The following AGBL1 variants were observed in gnomAD, a reference collection of about 807,000 sequenced individuals.
AGBL1 encodes AGBL carboxypeptidase 1, also known as cytosolic carboxypeptidase 4.
A neutral mutation model predicts 118.9 loss-of-function variants in AGBL1; 130 were observed. The ratio of observed to expected loss-of-function variants is 1.09; its 90% CI spans 0.95 to 1.26. The LOEUF is 1.26. Ranked by LOEUF, AGBL1 falls within the 50% of genes most tolerant of loss-of-function variation. AGBL1 has a pLI of 0.00. For missense variants in AGBL1, 1,584 were observed against 1,298.1 expected, an observed-to-expected ratio of 1.22 and a Z score of -3.38; for synonymous variants, 555 against 478.9, an observed-to-expected ratio of 1.16 and a Z score of -2.08.
intron 17 of AGBL1, among the ~76,000 whole-genome samples, chr15:86,314,302 G>T (rs1464597143): frequency 6.6e-6 from 1 of 152,122 alleles, no homozygotes; most frequent in African/African-American, 2.4e-5. Context: ...TACTTCATTT[G>T]CCTAGTTCTG....
chr15:87,015,357 TGTCTGTCTATCTATCTATCTATCTA>T (rs1016990369), intron 24 of AGBL1, among the ~76,000 whole-genome samples: 20 of 152,148 alleles, frequency 1.3e-4, no homozygotes, highest in African/African-American at 4.3e-4. Context: ...TCTGCCTGTC[TGTCTGTCTATCTATCTATCTATCTA>T]GTCTGTCTAT....
intron 21 of AGBL1, among the ~76,000 whole-genome samples, chr15:86,640,308 G>C (rs990018624): frequency 6.6e-6 from 1 of 152,102 alleles, no homozygotes; most frequent in Admixed American, 6.6e-5. Flanking sequence ...TATGGCATGA[G>C]TGTTTCTAAA....
chr15:86,289,965 C>T (rs965285522), intron 16 of AGBL1, among the ~76,000 whole-genome samples: 3 of 152,186 alleles, frequency 2.0e-5, no homozygotes, highest in Admixed American at 6.5e-5. Flanking sequence ...TTTAGAGACC[C>T]ATTGTTCTAG....
At chr15:86,214,499 T>G (rs1449433767) in intron 5 of AGBL1, among the ~76,000 whole-genome samples, 1 of 152,374 alleles carries the variant, frequency 6.6e-6, no homozygotes, top group South Asian at 2.1e-4. Flanking sequence ...TAATGGACTT[T>G]TGAATTGTTT....
chr15:86,339,534 G>C (rs1235110138), intron 17 of AGBL1, among the ~76,000 whole-genome samples: 2 of 152,060 alleles, frequency 1.3e-5, no homozygotes, highest in African/African-American at 4.8e-5. Context: ...TTTTATTTCA[G>C]TGAATTTTTT....
At chr15:86,512,905 TA>T (rs1483725972) in intron 18 of AGBL1, among the ~76,000 whole-genome samples, 2 of 151,850 alleles carry the variant, frequency 1.3e-5, no homozygotes, top group African/African-American at 4.8e-5. Flanking sequence ...TTCCAGTTAT[TA>T]TTTTTTTTAA....
intron 24 of AGBL1, among the ~76,000 whole-genome samples, chr15:86,999,475 G>C (rs1431160255): frequency 2.0e-5 from 3 of 146,596 alleles, no homozygotes; most frequent in Non-Finnish European, 4.4e-5. Context: ...TGCGGTGTTT[G>C]GTTTTTTGTT....
intron 1 of AGBL1, among the ~76,000 whole-genome samples, chr15:86,137,072 T>A (rs2076899192): frequency 6.6e-6 from 1 of 152,258 alleles, no homozygotes; most frequent in African/African-American, 2.4e-5. Context: ...GTGGGTGAGA[T>A]AACAGCTTTG....
chr15:86,107,435 A>C (rs1343253791), intron 1 of AGBL1: 1 of 152,224 alleles, frequency 6.6e-6, no homozygotes, highest in Non-Finnish European at 1.5e-5. Context: ...CTATAAAATG[A>C]GGAAAATGAT....
At chr15:86,820,703 A>G (rs1344458091) in intron 22 of AGBL1, among the ~76,000 whole-genome samples, 1 of 152,206 alleles carries the variant, frequency 6.6e-6, no homozygotes, top group Non-Finnish European at 1.5e-5. Context: ...GAGGATGTGG[A>G]GAAATAGGAA....
intron 21 of AGBL1, among the ~76,000 whole-genome samples, chr15:86,649,440 G>C (rs916117950): frequency 1.6e-4 from 24 of 152,120 alleles, no homozygotes; most frequent in African/African-American, 5.6e-4. Context: ...GTGATGACTT[G>C]GTAGTACTGA....
At chr15:86,619,422 G>C (rs1012558706) in intron 21 of AGBL1, among the ~76,000 whole-genome samples, 1 of 152,138 alleles carries the variant, frequency 6.6e-6, no homozygotes, top group Admixed American at 6.5e-5. Context: ...AAAATGAAAA[G>C]TTCAGTGGGA....
At chr15:86,775,416 G>C (rs114181410) in intron 22 of AGBL1, among the ~76,000 whole-genome samples, 1 of 152,086 alleles carries the variant, frequency 6.6e-6, no homozygotes, top group East Asian at 1.9e-4. Context: ...GGATTAGTTC[G>C]CTCCATGAAG....
At chr15:86,349,819 T>A (rs966039178) in intron 17 of AGBL1, among the ~76,000 whole-genome samples, 2 of 152,196 alleles carry the variant, frequency 1.3e-5, no homozygotes, top group Non-Finnish European at 2.9e-5. Flanking sequence ...AAGCATGGCC[T>A]ATTGGAAAGA....
chr15:87,015,209 C>T (rs1470788407), intron 24 of AGBL1, among the ~76,000 whole-genome samples: 1 of 152,148 alleles, frequency 6.6e-6, no homozygotes, highest in Non-Finnish European at 1.5e-5. Flanking sequence ...GAGAATTACA[C>T]CACCAGCTTC....
chr15:86,913,593 G>A lies in AGBL1; in HGVS notation c.*6299G>A, dbSNP rs1429549648. On this transcript the variant is annotated 3_prime_UTR_variant, in exon 23 of 23. Transcript: ENST00000614907. ...ACAAGGCTGAAGCAGGCAAGGCGTGGTGGCTCACAACTGTAATCCCAGAAT... is the reference window on the plus strand; with the variant it reads ...ACAAGGCTGAAGCAGGCAAGGCGTGATGGCTCACAACTGTAATCCCAGAAT... 1 of 152,294 alleles carries A rather than the reference G, an allele frequency of 6.6e-6. No individual in the cohort carries two copies. The highest frequency in any genetic ancestry group is 6.5e-5 in the Admixed American group (1 of 15,280). 9.4% of individuals were successfully genotyped at this position (152,294 alleles called of 1,614,324 possible). A position where few individuals can be genotyped will look rare whatever the true frequency, so the allele number is the denominator to read the frequency against.
intron 18 of AGBL1, among the ~76,000 whole-genome samples, chr15:86,472,649 C>T (rs545122610): frequency 6.0e-4 from 91 of 152,294 alleles, no homozygotes; most frequent in African/African-American, 1.4e-3. Context: ...TTGGGCGCCA[C>T]GGCTCACGCC....
At chr15:86,162,037 G>A (rs1288872457) in intron 5 of AGBL1, among the ~76,000 whole-genome samples, 2 of 152,184 alleles carry the variant, frequency 1.3e-5, no homozygotes, top group East Asian at 3.9e-4. Context: ...CTGCAGATCA[G>A]ATGGCAGAGG....
intron 1 of AGBL1, among the ~76,000 whole-genome samples, chr15:86,091,813 C>G (rs901605509): frequency 6.6e-6 from 1 of 152,256 alleles, no homozygotes; most frequent in South Asian, 2.1e-4. Flanking sequence ...TCTCATGTAT[C>G]TGTACTGGAC....
Sources: gnomAD v4.1 joint callset for allele counts (sites outside exome capture counted in the v4.1 genomes callset) on GRCh38, gnomAD v4.1.1 for gene constraint, MANE v1.5 for transcripts, NCBI Gene and HGNC (gene_info 2026-07-23, HGNC 2026-07-21) for gene names.